DSCAM: variants seen among roughly 807,000 people sequenced by gnomAD.
DSCAM encodes cell adhesion molecule DSCAM.
In DSCAM, 47 loss-of-function variants were observed where a neutral mutation model predicts 217.7. The observed-to-expected ratio is 0.22, with a 90% CI of 0.17 to 0.28. DSCAM has a LOEUF of 0.28. DSCAM is among the 10% of genes least tolerant of loss of function. The pLI, the probability that DSCAM is intolerant of heterozygous loss-of-function variation, is 1.00. For synonymous variants in DSCAM, 1,056 were observed against 1,015.3 expected (o/e 1.04, Z -0.76); for missense variants, 2,080 against 2,618.3 (o/e 0.79, Z 4.49).
At chr21:40,734,802 T>C (rs1384062019) in intron 1 of DSCAM, among the ~76,000 whole-genome samples, 1 of 152,236 alleles carries the variant, frequency 6.6e-6, no homozygotes, top group African/African-American at 2.4e-5. Flanking sequence ...TGAGGGTTGT[T>C]TTCCTGCTTG....
At chr21:40,259,858 TG>T (rs1270665241) in intron 11 of DSCAM, among the ~76,000 whole-genome samples, 1 of 151,584 alleles carries the variant, frequency 6.6e-6, no homozygotes, top group Non-Finnish European at 1.5e-5. Context: ...CTGTCTCCTT[TG>T]TTCGGTGTAC....
chr21:40,344,055 C>T (rs1428417933), intron 6 of DSCAM, among the ~76,000 whole-genome samples: 2 of 151,990 alleles, frequency 1.3e-5, no homozygotes, highest in Admixed American at 1.3e-4. Context: ...CATGCCACCA[C>T]ACCTGGCTAG....
intron 3 of DSCAM, among the ~76,000 whole-genome samples, chr21:40,484,328 G>C (rs1334374792): frequency 6.6e-6 from 1 of 152,186 alleles, no homozygotes; most frequent in East Asian, 1.9e-4. Flanking sequence ...TCTTTGACTT[G>C]ACTGTTTACA....
chr21:40,269,919 A>T (rs1190911836), intron 11 of DSCAM, among the ~76,000 whole-genome samples: 1 of 152,198 alleles, frequency 6.6e-6, no homozygotes, highest in African/African-American at 2.4e-5. Flanking sequence ...TACAAATTCA[A>T]CATACAAATC....
At chr21:40,388,829 T>C (rs2075109654) in intron 3 of DSCAM, among the ~76,000 whole-genome samples, 1 of 152,218 alleles carries the variant, frequency 6.6e-6, no homozygotes, top group Non-Finnish European at 1.5e-5. Context: ...CAAATCTTGC[T>C]TTTTAATTTC....
At chr21:40,472,561 AAAT>A (rs1400749002) in intron 3 of DSCAM, among the ~76,000 whole-genome samples, 1 of 152,244 alleles carries the variant, frequency 6.6e-6, no homozygotes, top group African/African-American at 2.4e-5. Flanking sequence ...CTTCATTTTG[AAAT>A]AATGTTATTT....
intron 3 of DSCAM, among the ~76,000 whole-genome samples, chr21:40,545,933 G>A (rs144342726): frequency 0.013 from 2,039 of 152,324 alleles, 60 homozygotes; most frequent in Middle Eastern, 0.017. Context: ...TTCTCTACCA[G>A]TGGGAAACCT....
chr21:40,604,132 T>C (rs965102642), intron 3 of DSCAM, among the ~76,000 whole-genome samples: 1 of 152,122 alleles, frequency 6.6e-6, no homozygotes, highest in African/African-American at 2.4e-5. Context: ...CCATTCATTT[T>C]TTTTCTCTTT....
intron 3 of DSCAM, among the ~76,000 whole-genome samples, chr21:40,576,692 A>G (rs2076853116): frequency 1.3e-5 from 2 of 151,912 alleles, no homozygotes; most frequent in Non-Finnish European, 2.9e-5. Flanking sequence ...AATACTTATA[A>G]TATATATATA....
intron 3 of DSCAM, among the ~76,000 whole-genome samples, chr21:40,615,156 T>C (rs1020128514): frequency 3.3e-5 from 5 of 151,020 alleles, no homozygotes; most frequent in African/African-American, 1.2e-4. Context: ...ATACAAAAAT[T>C]AGCCAGGCAT....
At chr21:40,194,290 G>T (rs2090984410) in intron 11 of DSCAM, among the ~76,000 whole-genome samples, 1 of 152,164 alleles carries the variant, frequency 6.6e-6, no homozygotes, top group East Asian at 1.9e-4. Context: ...GCCCTTTAAA[G>T]TAATGGTGGA....
chr21:40,202,187 G>A (rs1426095907), intron 11 of DSCAM, among the ~76,000 whole-genome samples: 2 of 152,136 alleles, frequency 1.3e-5, no homozygotes, highest in Non-Finnish European at 2.9e-5. Context: ...GGGAGCTGGG[G>A]GGTGGATTCC....
At chr21:40,156,224 G>T (rs1250417156) in intron 16 of DSCAM, among the ~76,000 whole-genome samples, 3 of 147,716 alleles carry the variant, frequency 2.0e-5, no homozygotes, top group Non-Finnish European at 3.0e-5. Context: ...GGGCTGGAAG[G>T]GACACACAGA....
chr21:40,350,707 T>C (rs2074620392), intron 5 of DSCAM, among the ~76,000 whole-genome samples: 1 of 151,680 alleles, frequency 6.6e-6, no homozygotes, highest in African/African-American at 2.4e-5. Flanking sequence ...TCAGTCAGAA[T>C]GGAAAGAGGG....
intron 15 of DSCAM, 98 bp from the exon 16 acceptor site, chr21:40,167,386 T>C (rs1467816481): frequency 4.9e-6 from 5 of 1,028,818 alleles, no homozygotes; most frequent in Non-Finnish European, 3.0e-6. Flanking sequence ...AACCCATCCC[T>C]ATGTTTGGCA....
intron 3 of DSCAM, among the ~76,000 whole-genome samples, chr21:40,614,151 C>A (rs1448729310): frequency 1.3e-5 from 2 of 152,206 alleles, no homozygotes; most frequent in African/African-American, 2.4e-5. Context: ...CTGAGTGCAG[C>A]CCCAGGCCTC....
chr21:40,163,188 G>C (rs1447482750), intron 16 of DSCAM, among the ~76,000 whole-genome samples: 5 of 152,014 alleles, frequency 3.3e-5, no homozygotes, highest in Non-Finnish European at 7.4e-5. Flanking sequence ...GACTGATTAG[G>C]AGAGAAGGTG....
chr21:40,828,528 T>G (rs2091987688), intron 1 of DSCAM, among the ~76,000 whole-genome samples: 1 of 152,086 alleles, frequency 6.6e-6, no homozygotes, highest in South Asian at 2.1e-4. Flanking sequence ...CAAATGGCAC[T>G]CCGCTCATAG....
At chr21:40,788,593 A>G (rs1289318573) in intron 1 of DSCAM, among the ~76,000 whole-genome samples, 3 of 152,170 alleles carry the variant, frequency 2.0e-5, no homozygotes, top group Non-Finnish European at 4.4e-5. Context: ...GCCTCAAGGT[A>G]GTAATGTTAG....
Sources: allele counts gnomAD v4.1 joint callset (sites outside exome capture counted in the v4.1 genomes callset), GRCh38; gene constraint gnomAD v4.1.1; transcripts MANE v1.5; gene names NCBI Gene and HGNC (gene_info 2026-07-23, HGNC 2026-07-21).